FEZ2: variants seen among roughly 807,000 people sequenced by gnomAD.
FEZ2 encodes fasciculation and elongation protein zeta 2, also known as fasciculation and elongation protein zeta-2.
A neutral mutation model predicts 40.4 loss-of-function variants in FEZ2; 51 were observed. That is an observed-to-expected ratio of 1.26 (90% confidence interval 1.01 to 1.59). The LOEUF is 1.59. FEZ2 is among the 40% of genes most tolerant of loss of function. FEZ2 has a pLI of 0.00. For missense variants in FEZ2, 640 were observed against 438.3 expected (o/e 1.46, Z -4.11); for synonymous variants, 242 against 172.0 (o/e 1.41, Z -3.18).
At chr2:36,565,421 C>T (rs1668208631) in intron 5 of FEZ2, among the ~76,000 whole-genome samples, 1 of 152,214 alleles carries the variant, frequency 6.6e-6, no homozygotes, top group African/African-American at 2.4e-5. Context: ...TTTCCAGCTT[C>T]CACTGTGCAA....
intron 1 of FEZ2, among the ~76,000 whole-genome samples, chr2:36,593,433 C>G (rs1669128127): frequency 6.6e-6 from 1 of 152,060 alleles, no homozygotes; most frequent in Non-Finnish European, 1.5e-5. Context: ...TTTGCCTGGG[C>G]ATCCAGGCAT....
At chr2:36,575,006 A>C (rs1668520620) in intron 5 of FEZ2, among the ~76,000 whole-genome samples, 1 of 152,080 alleles carries the variant, frequency 6.6e-6, no homozygotes. Context: ...CACTCTCCAA[A>C]ACAGCTTCCC....
intron 5 of FEZ2, among the ~76,000 whole-genome samples, chr2:36,563,820 G>C (rs1257636447): frequency 6.6e-6 from 1 of 152,102 alleles, no homozygotes; most frequent in African/African-American, 2.4e-5. Flanking sequence ...CCTCCTCCCT[G>C]AACCGCTTCC....
chr2:36,597,192 G>A lies in FEZ2; in HGVS notation c.266+685C>T, dbSNP rs866542380. Among the ~76,000 whole-genome samples, 2 of 151,824 alleles carry A rather than the reference G, an allele frequency of 1.3e-5. 1 individual carries two copies. Among genetic ancestry groups the A allele is most frequent in the Non-Finnish European group, 2.9e-5 (2 of 67,958 alleles). ...ATTCCTGTGCCCTAAATGCTGCCTC[G>A]CACGTTGGTACTTATGCACAGGCAA... is the stretch of plus-strand genomic sequence containing the variant. On this transcript the variant is annotated intron_variant, in intron 1 of 7. Coordinates refer to ENST00000405912, the MANE Select transcript of FEZ2 (RefSeq NM_005102.3).
rs1668642038 is a variant in FEZ2, at chr2:36,578,577, T to G, written c.903+20A>C. On this transcript the variant is annotated intron_variant, in intron 5 of 7. Coordinates refer to ENST00000405912, the MANE Select transcript of FEZ2 (RefSeq NM_005102.3). ...GAACCTGTTTCCAGTGTTCGACGCC[T>G]CCTGCAAAACATCACTTACTGTGCC... 3.1e-6 allele frequency: 5 copies of G among 1,600,946 alleles called. No individual in the cohort carries two copies. The highest frequency in any genetic ancestry group is 3.4e-6 in the Non-Finnish European group (4 of 1,174,554).
chr2:36,593,234 C>T (rs1451455403), intron 1 of FEZ2, among the ~76,000 whole-genome samples: 1 of 152,110 alleles, frequency 6.6e-6, no homozygotes, highest in African/African-American at 2.4e-5. Flanking sequence ...TACATGGTGG[C>T]AGCAAGAGAA....
At chr2:36,556,063 G>C (rs1184361355) in intron 6 of FEZ2, 1 of 519,538 alleles carries the variant, frequency 1.9e-6, no homozygotes, top group South Asian at 1.5e-5. Context: ...CCTTCGCTCT[G>C]TAATAATACC....
intron 1 of FEZ2, among the ~76,000 whole-genome samples, chr2:36,597,123 G>C (rs952265659): frequency 3.3e-5 from 5 of 152,102 alleles, no homozygotes; most frequent in African/African-American, 1.2e-4. Flanking sequence ...TTTCGTCTCT[G>C]TGGCGGCTCG....
At chr2:36,554,852 T>C (rs1269858860) in intron 7 of FEZ2, among the ~76,000 whole-genome samples, 2 of 152,176 alleles carry the variant, frequency 1.3e-5, no homozygotes, top group East Asian at 3.8e-4. Flanking sequence ...CAGCTAACTT[T>C]AATGGAGAAG....
At chr2:36,590,111 T>G (rs1344802713) in intron 2 of FEZ2, 1 of 152,218 alleles carries the variant, frequency 6.6e-6, no homozygotes, top group Non-Finnish European at 1.5e-5. Flanking sequence ...CAAGACATCT[T>G]CACTTTACAA....
intron 5 of FEZ2, among the ~76,000 whole-genome samples, chr2:36,576,560 C>T (rs886177302): frequency 3.3e-5 from 5 of 152,138 alleles, no homozygotes; most frequent in African/African-American, 9.7e-5. Flanking sequence ...CGTGAGCCAC[C>T]GCGCCCGGCC....
intron 2 of FEZ2, among the ~76,000 whole-genome samples, chr2:36,584,369 G>A (rs922953406): frequency 6.6e-6 from 1 of 152,174 alleles, no homozygotes; most frequent in African/African-American, 2.4e-5. Flanking sequence ...AGCCCTGGGG[G>A]ATTGCACCAC....
intron 1 of FEZ2, among the ~76,000 whole-genome samples, chr2:36,595,605 A>G (rs1669193629): frequency 6.6e-6 from 1 of 152,194 alleles, no homozygotes; most frequent in African/African-American, 2.4e-5. Flanking sequence ...CGGTCTGTGG[A>G]CCAGGGGTTG....
At chr2:36,567,489 C>T (rs1290089672) in intron 5 of FEZ2, among the ~76,000 whole-genome samples, 1 of 152,004 alleles carries the variant, frequency 6.6e-6, no homozygotes. Flanking sequence ...CGGCCAGGCA[C>T]GGAGGCTCAC....
chr2:36,583,414 A>C lies in FEZ2; in HGVS notation c.431T>G (p.Leu144Arg), dbSNP rs1022937179. The C allele has an allele frequency of 1.2e-6, 2 of 1,610,716 alleles. No individual in the cohort carries two copies. The highest frequency in any genetic ancestry group is 2.7e-5 in the African/African-American group (2 of 74,904). ...TSDDEELREQLDMHSIIVSCV... is the reference protein window; with the variant it reads ...TSDDEELREQRDMHSIIVSCV... ...GGAGACGATGATTGAGTGCATATCC[A>C]GCTGTTCTCTCAGCTCTTCATCATC... The change falls in exon 3 of 8, where the codon CTG becomes CGG. Residue 144 changes from leucine to arginine, a missense_variant. Transcript: ENST00000405912.
At chr2:36,587,188 G>A (rs1668926265) in intron 2 of FEZ2, among the ~76,000 whole-genome samples, 1 of 152,192 alleles carries the variant, frequency 6.6e-6, no homozygotes, top group African/African-American at 2.4e-5. Context: ...AGTAATAACA[G>A]TAAACTATTA....
intron 4 of FEZ2, among the ~76,000 whole-genome samples, chr2:36,579,938 C>G (rs1303299497): frequency 2.0e-5 from 3 of 152,088 alleles, no homozygotes; most frequent in Non-Finnish European, 4.4e-5. Flanking sequence ...TCAGGATAGG[C>G]CCTAACCCAA....
intron 7 of FEZ2, chr2:36,554,151 T>C (rs1338393285): frequency 4.3e-6 from 2 of 468,948 alleles, no homozygotes; most frequent in Non-Finnish European, 8.8e-6. Context: ...AGGTACAGTA[T>C]AGATAGAACT....
chr2:36,578,688 TTC>T lies in FEZ2; in HGVS notation c.810_811del (p.Lys271ArgfsTer23), dbSNP rs1431420208. ...CTTTTTTGCTGTTTCTTTGTGCTCT[TTC>T]TGTTTGTTTTGCACTTCAATAAGAA... is the stretch of plus-strand genomic sequence containing the variant. On this transcript the variant is annotated frameshift_variant, in exon 5 of 8. Coordinates refer to ENST00000405912, the MANE Select transcript of FEZ2 (RefSeq NM_005102.3). LOFTEE classifies it high-confidence loss of function. The T allele has an allele frequency of 5.6e-6, 9 of 1,613,842 alleles. No individual in the cohort carries two copies. Among genetic ancestry groups the T allele is most frequent in the South Asian group, 1.1e-5 (1 of 91,086 alleles).
Sources: allele counts gnomAD v4.1 joint callset (sites outside exome capture counted in the v4.1 genomes callset), GRCh38; gene constraint gnomAD v4.1.1; transcripts MANE v1.5; gene names NCBI Gene and HGNC (gene_info 2026-07-23, HGNC 2026-07-21).